The following ZHX2 variants were observed in gnomAD, a reference collection of about 807,000 sequenced individuals.
The protein encoded by ZHX2 is zinc fingers and homeoboxes protein 2.
ZHX2 carries 6 observed loss-of-function variants against 21.9 expected under a neutral mutation model. The ratio of observed to expected loss-of-function variants is 0.27; its 90% CI spans 0.15 to 0.54. The LOEUF (loss-of-function observed/expected upper bound fraction) is 0.54, where lower values mean the gene tolerates loss of function less well. Among genes scored for constraint, ZHX2 ranks in the 20% least tolerant of loss-of-function variants. ZHX2 has a pLI of 0.95. For synonymous variants in ZHX2, 434 were observed against 437.1 expected (o/e 0.99, Z 0.09); for missense variants, 908 against 1,090.7 (o/e 0.83, Z 2.36).
At chr8:122,961,885 T>C (rs1813459618) in intron 3 of ZHX2, among the ~76,000 whole-genome samples, 1 of 152,196 alleles carries the variant, frequency 6.6e-6, no homozygotes, top group Admixed American at 6.5e-5. Context: ...AGATACTGCA[T>C]CTCAACTTGC....
At chr8:122,806,510 G>A (rs538506624) in intron 1 of ZHX2, among the ~76,000 whole-genome samples, 7 of 152,194 alleles carry the variant, frequency 4.6e-5, no homozygotes, top group Non-Finnish European at 1.0e-4. Flanking sequence ...AGTTAGGGTC[G>A]TAGCAAAGAG....
chr8:122,886,276 G>C (rs1819841053), intron 2 of ZHX2, among the ~76,000 whole-genome samples: 1 of 152,194 alleles, frequency 6.6e-6, no homozygotes, highest in Admixed American at 6.5e-5. Context: ...TTCTGGCACA[G>C]GCAAAAATAT....
Position 122,938,510 on chromosome 8 carries a change from G to C in ZHX2, c.-219-12782G>C, listed in dbSNP as rs575689167. ...ACGGATGAGAAGAGCCAAGGGCATG[G>C]CGAGGCACCTACTGAGAACAGAAAA... On this transcript the variant is annotated intron_variant, in intron 2 of 3. Coordinates refer to ENST00000314393, the MANE Select transcript of ZHX2 (RefSeq NM_014943.5). Among the ~76,000 whole-genome samples, 12 of 152,174 alleles carry C rather than the reference G, an allele frequency of 7.9e-5. No individual in the cohort carries two copies. In the South Asian group the frequency reaches 2.5e-3, roughly 32 times the overall value.
intron 2 of ZHX2, among the ~76,000 whole-genome samples, chr8:122,919,221 T>C (rs1820678924): frequency 6.6e-6 from 1 of 152,232 alleles, no homozygotes; most frequent in Admixed American, 6.5e-5. Context: ...CTCTTCCTCC[T>C]TCAATGGTTA....
intron 2 of ZHX2, among the ~76,000 whole-genome samples, chr8:122,929,966 G>A (rs185781681): frequency 7.9e-5 from 12 of 152,340 alleles, no homozygotes; most frequent in Admixed American, 7.8e-4. Flanking sequence ...CCGGCTCCAT[G>A]CTGTAGCTCT....
chr8:122,823,845 A>G (rs923211903), intron 1 of ZHX2, among the ~76,000 whole-genome samples: 1 of 152,090 alleles, frequency 6.6e-6, no homozygotes, highest in African/African-American at 2.4e-5. Context: ...TTACCTCCTG[A>G]TTTCATATTT....
chr8:122,785,988 G>C (rs769340146), intron 1 of ZHX2, among the ~76,000 whole-genome samples: 1 of 152,200 alleles, frequency 6.6e-6, no homozygotes, highest in Non-Finnish European at 1.5e-5. Context: ...GCAATAAAAC[G>C]AGTTCTGCAA....
intron 1 of ZHX2, among the ~76,000 whole-genome samples, chr8:122,827,064 A>C (rs1818278392): frequency 2.0e-5 from 3 of 152,184 alleles, no homozygotes. Flanking sequence ...TCTCGCTCCC[A>C]GGCTGGAGGG....
chr8:122,818,308 A>AAC (rs541152502), intron 1 of ZHX2, among the ~76,000 whole-genome samples: 149 of 151,908 alleles, frequency 9.8e-4, no homozygotes, highest in African/African-American at 3.5e-3. Flanking sequence ...TAAAAAAAAA[A>AAC]AAACAACCAT....
At chr8:122,804,506 T>A (rs968778543) in intron 1 of ZHX2, among the ~76,000 whole-genome samples, 2 of 152,220 alleles carry the variant, frequency 1.3e-5, no homozygotes, top group Non-Finnish European at 2.9e-5. Flanking sequence ...AAGGAAAACC[T>A]GGCTCCTATC....
intron 1 of ZHX2, among the ~76,000 whole-genome samples, chr8:122,822,163 T>C (rs537477669): frequency 1.3e-5 from 2 of 152,308 alleles, no homozygotes; most frequent in African/African-American, 4.8e-5. Context: ...AAAAAATGAA[T>C]TTCATGCCTT....
At chr8:122,807,776 T>C (rs769358437) in intron 1 of ZHX2, 3 of 152,212 alleles carry the variant, frequency 2.0e-5, no homozygotes, top group Admixed American at 6.5e-5. Context: ...ATTAGACCCA[T>C]TTTGCAGATA....
chr8:122,884,291 G>A (rs574901744), intron 2 of ZHX2, among the ~76,000 whole-genome samples: 26 of 152,164 alleles, frequency 1.7e-4, no homozygotes, highest in Non-Finnish European at 2.4e-4. Context: ...CCGTTCAGTC[G>A]GATAAAGTTT....
At chr8:122,871,734 A>AAG in intron 2 of ZHX2, among the ~76,000 whole-genome samples, 1 of 149,728 alleles carries the variant, frequency 6.7e-6, no homozygotes, top group Non-Finnish European at 1.5e-5. Context: ...AGGGCAAAAA[A>AAG]AAAAAAAAAA....
chr8:122,805,260 G>T (rs1047710249), intron 1 of ZHX2, among the ~76,000 whole-genome samples: 2 of 152,156 alleles, frequency 1.3e-5, no homozygotes, highest in African/African-American at 4.8e-5. Context: ...CAAATCACAC[G>T]CCTCAGTGCT....
chr8:122,964,328 A>G (rs4342601), intron 3 of ZHX2, among the ~76,000 whole-genome samples: 51,218 of 151,888 alleles, frequency 0.34, 9,031 homozygotes, highest in East Asian at 0.65. Context: ...TTCTATGCCA[A>G]TTTTGCTGAG....
intron 2 of ZHX2, among the ~76,000 whole-genome samples, chr8:122,925,504 T>C (rs71514786): frequency 8.2e-4 from 125 of 152,204 alleles, no homozygotes; most frequent in Non-Finnish European, 1.7e-3. Flanking sequence ...GAGTAACAAG[T>C]TCAAACCGTG....
chr8:122,958,338 G>A (rs1274378042), intron 3 of ZHX2, among the ~76,000 whole-genome samples: 2 of 152,212 alleles, frequency 1.3e-5, no homozygotes, highest in Non-Finnish European at 2.9e-5. Flanking sequence ...TCCATTGAGG[G>A]ACCTGTCCTA....
At chr8:122,788,316 G>A (rs1018197139) in intron 1 of ZHX2, among the ~76,000 whole-genome samples, 14 of 152,346 alleles carry the variant, frequency 9.2e-5, no homozygotes, top group African/African-American at 3.4e-4. Flanking sequence ...CCAGCACTTT[G>A]GGAGGCCGAG....
Sources: gnomAD v4.1 joint callset for allele counts (sites outside exome capture counted in the v4.1 genomes callset) on GRCh38, gnomAD v4.1.1 for gene constraint, MANE v1.5 for transcripts, NCBI Gene and HGNC (gene_info 2026-07-23, HGNC 2026-07-21) for gene names.